TRIM44: variants seen among roughly 807,000 people sequenced by gnomAD.
The protein encoded by TRIM44 is tripartite motif containing 44, also known as tripartite motif-containing protein 44.
TRIM44 carries 13 observed loss-of-function variants against 37.4 expected under a neutral mutation model. That is an observed-to-expected ratio of 0.35 (90% CI 0.23 to 0.55). The LOEUF (loss-of-function observed/expected upper bound fraction) is 0.55, where lower values mean the gene tolerates loss of function less well. TRIM44 is among the 20% of genes least tolerant of loss of function. TRIM44 has a pLI of 0.89. For synonymous variants in TRIM44, 175 were observed against 157.2 expected (o/e 1.11, Z -0.85); for missense variants, 426 against 437.2 (o/e 0.97, Z 0.23).
Position 35,768,082 on chromosome 11 carries a change from C to T in TRIM44, c.1007+32637C>T, listed in dbSNP as rs530088478. Among the ~76,000 whole-genome samples, 3 of 152,286 alleles carry T rather than the reference C, an allele frequency of 2.0e-5. No homozygotes were observed. The East Asian group carries it at 5.8e-4, about 29-fold the overall frequency. On this transcript the variant is annotated intron_variant, in intron 4 of 4. Transcript: ENST00000299413. ...AAAGAGAGCACTGCCCAAGGCATAG[C>T]GGACTAAAGGCCTAAAGGAAACTTA...
In TRIM44 at chr11:35,662,904, A is replaced by G; in HGVS notation, c.-208A>G. On this transcript the variant is annotated 5_prime_UTR_variant, in exon 1 of 5. Transcript: ENST00000299413. ...CAGAGGAAGCGCAGGGACAGAGCGG[A>G]GCAGGCCGAGCCGGCGGAAAGGGTC... 1 of 800,532 alleles carries G rather than the reference A, an allele frequency of 1.2e-6. No homozygotes were observed. The highest frequency in any genetic ancestry group is 1.7e-6 in the Non-Finnish European group (1 of 574,266). 49.6% of individuals were successfully genotyped at this position (800,532 alleles called of 1,614,324 possible).
chr11:35,725,667 A>G (rs1483697105), intron 2 of TRIM44, among the ~76,000 whole-genome samples: 1 of 152,072 alleles, frequency 6.6e-6, no homozygotes, highest in African/African-American at 2.4e-5. Flanking sequence ...CATCGTATAT[A>G]TTACTGGTAT....
chr11:35,701,512 T>A (rs1244944343), intron 2 of TRIM44, among the ~76,000 whole-genome samples: 1 of 152,114 alleles, frequency 6.6e-6, no homozygotes, highest in African/African-American at 2.4e-5. Flanking sequence ...GTCATGCAGA[T>A]CTCAAACCAG....
intron 4 of TRIM44, among the ~76,000 whole-genome samples, chr11:35,794,517 C>G (rs192878705): frequency 6.6e-6 from 1 of 152,310 alleles, no homozygotes; most frequent in East Asian, 1.9e-4. Context: ...ATGGGCCACG[C>G]CATCCTTTAC....
At chr11:35,750,108 C>T (rs1462107662) in intron 4 of TRIM44, among the ~76,000 whole-genome samples, 1 of 152,166 alleles carries the variant, frequency 6.6e-6, no homozygotes, top group African/African-American at 2.4e-5. Context: ...CTCCATGAGC[C>T]TTCTGTCATT....
At chr11:35,744,906 C>A (rs1023357869) in intron 4 of TRIM44, among the ~76,000 whole-genome samples, 5 of 152,134 alleles carry the variant, frequency 3.3e-5, no homozygotes, top group African/African-American at 1.2e-4. Context: ...GATCTCATTC[C>A]TTTCTGTGGC....
At chr11:35,697,681 C>T (rs1851723183) in intron 2 of TRIM44, among the ~76,000 whole-genome samples, 1 of 151,672 alleles carries the variant, frequency 6.6e-6, no homozygotes, top group Non-Finnish European at 1.5e-5. Flanking sequence ...TCAATTCCCA[C>T]CTATGAGTGA....
chr11:35,666,675 C>T (rs1851335551), intron 1 of TRIM44, among the ~76,000 whole-genome samples: 1 of 152,100 alleles, frequency 6.6e-6, no homozygotes, highest in Non-Finnish European at 1.5e-5. Context: ...GGGAGGATTG[C>T]TTCAGTCTAG....
intron 4 of TRIM44, among the ~76,000 whole-genome samples, chr11:35,747,648 G>A (rs1461551667): frequency 6.6e-6 from 1 of 152,152 alleles, no homozygotes; most frequent in Non-Finnish European, 1.5e-5. Flanking sequence ...TGTCTGAGAA[G>A]AAAGTTGAGG....
intron 1 of TRIM44, among the ~76,000 whole-genome samples, chr11:35,678,586 C>T (rs1851489432): frequency 1.3e-5 from 2 of 151,904 alleles, no homozygotes; most frequent in African/African-American, 4.8e-5. Context: ...GACTTCCTCT[C>T]CCCTCCCTCT....
chr11:35,710,285 C>T (rs1409605662), intron 2 of TRIM44, among the ~76,000 whole-genome samples: 1 of 152,088 alleles, frequency 6.6e-6, no homozygotes, highest in African/African-American at 2.4e-5. Flanking sequence ...CCTTTTTCAC[C>T]TAAGGTTATC....
At chr11:35,743,453 C>T (rs1292378254) in intron 4 of TRIM44, among the ~76,000 whole-genome samples, 1 of 152,164 alleles carries the variant, frequency 6.6e-6, no homozygotes, top group Non-Finnish European at 1.5e-5. Context: ...TTTGTTTCCC[C>T]ATCAAAATCT....
At chr11:35,690,084 A>G (rs1041834708) in intron 2 of TRIM44, among the ~76,000 whole-genome samples, 3 of 152,172 alleles carry the variant, frequency 2.0e-5, no homozygotes, top group African/African-American at 7.2e-5. Context: ...GTGTGACTGG[A>G]GTGGGATTAA....
chr11:35,757,287 C>G (rs1263504823), intron 4 of TRIM44, among the ~76,000 whole-genome samples: 8 of 152,128 alleles, frequency 5.3e-5, no homozygotes, highest in Admixed American at 5.2e-4. Context: ...AATTTATTTG[C>G]GTAGAGGTGT....
intron 4 of TRIM44, among the ~76,000 whole-genome samples, chr11:35,755,232 G>A (rs1852619534): frequency 6.6e-6 from 1 of 152,188 alleles, no homozygotes; most frequent in Non-Finnish European, 1.5e-5. Context: ...TTGTGGTTTT[G>A]ATTTGCATTT....
intron 4 of TRIM44, among the ~76,000 whole-genome samples, chr11:35,768,074 A>G (rs920093143): frequency 6.6e-6 from 1 of 152,224 alleles, no homozygotes; most frequent in Admixed American, 6.5e-5. Flanking sequence ...GCACTGCCCA[A>G]GGCATAGCGG....
intron 4 of TRIM44, among the ~76,000 whole-genome samples, chr11:35,739,376 A>T (rs996641376): frequency 1.3e-5 from 2 of 152,164 alleles, no homozygotes; most frequent in African/African-American, 4.8e-5. Flanking sequence ...TTTAACCACC[A>T]AGTGCTCTCA....
intron 4 of TRIM44, among the ~76,000 whole-genome samples, chr11:35,755,436 A>T (rs375442844): frequency 6.6e-6 from 1 of 152,136 alleles, no homozygotes; most frequent in East Asian, 1.9e-4. Flanking sequence ...TGCAAAAATT[A>T]TCTCCCATTC....
chr11:35,768,718 ATTGAT>A lies in TRIM44; in HGVS notation c.1007+33274_1007+33278del, dbSNP rs1852828625. Among the ~76,000 whole-genome samples the A allele has an allele frequency of 2.6e-5, 4 of 152,322 alleles. No homozygotes were observed. The South Asian group carries it at 8.3e-4, about 32-fold the overall frequency. ...CCCATGGTGACCTAGTTTGTCAGTT[ATTGAT>A]GTATGTAATAAAACTAATTAAACAC... On this transcript the variant is annotated intron_variant, in intron 4 of 4. Coordinates refer to ENST00000299413, the MANE Select transcript of TRIM44 (RefSeq NM_017583.6).
Sources: allele counts gnomAD v4.1 joint callset (sites outside exome capture counted in the v4.1 genomes callset), GRCh38; gene constraint gnomAD v4.1.1; transcripts MANE v1.5; gene names NCBI Gene and HGNC (gene_info 2026-07-23, HGNC 2026-07-21).